The following KCND3 variants were observed in gnomAD, a reference collection of about 807,000 sequenced individuals.
The protein encoded by KCND3 is A-type voltage-gated potassium channel KCND3.
KCND3 carries 9 observed loss-of-function variants against 51.1 expected under a neutral mutation model. The observed-to-expected ratio is 0.18, with a 90% confidence interval of 0.11 to 0.31. KCND3 has a LOEUF of 0.31. Ranked by LOEUF, KCND3 falls within the 10% of genes least tolerant of loss-of-function variation. The pLI is 1.00. For synonymous variants in KCND3, 349 were observed against 368.0 expected (o/e 0.95, Z 0.59); for missense variants, 526 against 903.8 (o/e 0.58, Z 5.36).
chr1:111,982,194 G>A lies in KCND3; in HGVS notation c.533C>T (p.Thr178Ile), dbSNP rs1285191497. 2 of 1,613,990 alleles carry A rather than the reference G, an allele frequency of 1.2e-6. No homozygotes were observed. Among genetic ancestry groups the A allele is most frequent in the East Asian group, 2.2e-5 (1 of 44,828 alleles). ...GTAGAAGACCAGGGCCAGCGTGCTG[G>A]TGTGGGGGTTCTCGAAGGCCCGCCA... The part of the protein sequence containing the change: ...TMWRAFENPH[T>I]STLALVFYYV... Residue 178 changes from threonine to isoleucine, a missense_variant, in exon 2 of 8, where the codon ACC becomes ATC. Around this residue, in one of 5 missense-constraint regions of KCND3, gnomAD observed 159 missense variants for 262.8 expected, o/e 0.61. Coordinates refer to ENST00000302127, the MANE Select transcript of KCND3 (RefSeq NM_001378969.1). This position sits in a 1 kb window ranked among gnomAD's most constrained non-coding sequence, Gnocchi z 8.5.
Position 111,966,139 on chromosome 1 carries a change from T to C in KCND3, c.1106+15482A>G, listed in dbSNP as rs111609987. ...CACACTGGAAGGAAAGTCAAGAAGATGCTCACATCCTGGAGACAGCCCACA... is the reference window on the plus strand; with the variant it reads ...CACACTGGAAGGAAAGTCAAGAAGACGCTCACATCCTGGAGACAGCCCACA... On this transcript the variant is annotated intron_variant, in intron 2 of 7. Transcript: ENST00000302127. Among the ~76,000 whole-genome samples the C allele has an allele frequency of 1.1e-3, 160 of 152,300 alleles. 1 individual carries two copies. Among genetic ancestry groups the C allele is most frequent in the Middle Eastern group, 3.4e-3 (1 of 294 alleles).
At chr1:111,880,095 C>A (rs1449484184) in intron 2 of KCND3, among the ~76,000 whole-genome samples, 10 of 152,164 alleles carry the variant, frequency 6.6e-5, no homozygotes, top group Admixed American at 6.5e-4. Flanking sequence ...ACACTTTAGC[C>A]ATTAGCAGAT....
chr1:111,816,953 C>A (rs1423474736), intron 2 of KCND3, among the ~76,000 whole-genome samples: 1 of 152,168 alleles, frequency 6.6e-6, no homozygotes, highest in African/African-American at 2.4e-5. Flanking sequence ...CAGGGTGCAT[C>A]TGCCTACACA....
At chr1:111,823,614 C>A (rs565047656) in intron 2 of KCND3, among the ~76,000 whole-genome samples, 1 of 152,290 alleles carries the variant, frequency 6.6e-6, no homozygotes, top group Non-Finnish European at 1.5e-5. Flanking sequence ...CTGAATAACA[C>A]ATTTCATTGT....
intron 2 of KCND3, among the ~76,000 whole-genome samples, chr1:111,789,389 G>A (rs1417655269): frequency 6.6e-6 from 1 of 152,198 alleles, no homozygotes; most frequent in Non-Finnish European, 1.5e-5. Context: ...AGGATCCAGA[G>A]CTTAAAGTAG....
intron 2 of KCND3, among the ~76,000 whole-genome samples, chr1:111,957,663 A>G (rs1054141564): frequency 2.0e-5 from 3 of 152,206 alleles, no homozygotes; most frequent in Non-Finnish European, 4.4e-5. Context: ...AAAGGAGGGC[A>G]TCTGCAGAGG....
intron 2 of KCND3, among the ~76,000 whole-genome samples, chr1:111,838,996 T>A (rs989775352): frequency 6.6e-6 from 1 of 152,242 alleles, no homozygotes; most frequent in Non-Finnish European, 1.5e-5. Context: ...AAATTTTGCA[T>A]GATTTGTTTT....
Position 111,771,545 on chromosome 1 carries a change from A to T in KCND3, c.*4532T>A, listed in dbSNP as rs545225938. ...GAATTCTTTAGTAACCTCGAAATCT[A>T]GTGTTAGCTCAATTTTCAACCACTT... On this transcript the variant is annotated 3_prime_UTR_variant, in exon 8 of 8. Coordinates refer to ENST00000302127, the MANE Select transcript of KCND3 (RefSeq NM_001378969.1). The T allele has an allele frequency of 6.6e-6, 1 of 152,332 alleles. No individual in the cohort carries two copies. Among genetic ancestry groups the T allele is most frequent in the Admixed American group, 6.5e-5 (1 of 15,308 alleles). The allele number at this position is 152,332 out of a possible 1,614,324, so 9.4% of individuals were successfully genotyped here. A position where few individuals can be genotyped will look rare whatever the true frequency, so the allele number is the denominator to read the frequency against.
intron 2 of KCND3, among the ~76,000 whole-genome samples, chr1:111,880,956 T>C (rs1203776464): frequency 6.6e-6 from 1 of 152,142 alleles, no homozygotes; most frequent in Admixed American, 6.5e-5. Context: ...CCTTGGCCCT[T>C]GGCTCCCACA....
At chr1:111,912,271 G>A (rs1670989113) in intron 2 of KCND3, among the ~76,000 whole-genome samples, 1 of 152,130 alleles carries the variant, frequency 6.6e-6, no homozygotes, top group South Asian at 2.1e-4. Flanking sequence ...TAAAAGAGAT[G>A]AAAAATTCCT....
At chr1:111,915,627 C>T (rs1234444933) in intron 2 of KCND3, among the ~76,000 whole-genome samples, 1 of 151,786 alleles carries the variant, frequency 6.6e-6, no homozygotes, top group Non-Finnish European at 1.5e-5. Context: ...GTGGTGGGCG[C>T]CTGTAGTCCC....
intron 2 of KCND3, among the ~76,000 whole-genome samples, chr1:111,872,320 T>C (rs189134599): frequency 6.6e-6 from 1 of 152,330 alleles, no homozygotes; most frequent in Admixed American, 6.5e-5. Flanking sequence ...TTAAGTAAAT[T>C]TGGCATTTCC....
chr1:111,892,314 C>T (rs1669869601), intron 2 of KCND3, among the ~76,000 whole-genome samples: 1 of 152,158 alleles, frequency 6.6e-6, no homozygotes, highest in Non-Finnish European at 1.5e-5. Flanking sequence ...CTGCTCCAAC[C>T]CTAACATCTC....
rs78723897 is a variant in KCND3 at position 111,830,049 on chromosome 1, C to T, written c.1107-42943G>A. 3.1e-4 allele frequency among the ~76,000 whole-genome samples: 47 copies of T among 152,282 alleles called. 1 individual carries two copies. The East Asian group carries it at 6.6e-3, about 21-fold the overall frequency. On this transcript the variant is annotated intron_variant, in intron 2 of 7. Transcript: ENST00000302127. ...TTCTCCCCTCCATCTAATTATCCTC[C>T]GGTCCATCTTTCTACGTCAGCAGCG...
intron 2 of KCND3, among the ~76,000 whole-genome samples, chr1:111,927,341 T>C (rs1445244421): frequency 6.6e-6 from 1 of 152,220 alleles, no homozygotes; most frequent in Admixed American, 6.5e-5. Context: ...TAGGCCTCAG[T>C]GTTCACACCC....
intron 2 of KCND3, among the ~76,000 whole-genome samples, chr1:111,852,669 T>C (rs535304651): frequency 2.0e-5 from 3 of 152,290 alleles, no homozygotes; most frequent in African/African-American, 7.2e-5. Flanking sequence ...GAGAGCATTC[T>C]CTGGGATGCA....
At chr1:111,897,714 G>A (rs1164211008) in intron 2 of KCND3, among the ~76,000 whole-genome samples, 1 of 152,202 alleles carries the variant, frequency 6.6e-6, no homozygotes, top group African/African-American at 2.4e-5. Flanking sequence ...GCTGAGGGGA[G>A]CTTGGGTGCA....
chr1:111,935,746 C>G (rs1415048155), intron 2 of KCND3, among the ~76,000 whole-genome samples: 1 of 152,188 alleles, frequency 6.6e-6, no homozygotes, highest in Non-Finnish European at 1.5e-5. Context: ...CAAACTTACC[C>G]TGTTCATGTT....
chr1:111,905,715 C>T (rs541165837), intron 2 of KCND3, among the ~76,000 whole-genome samples: 32 of 152,198 alleles, frequency 2.1e-4, no homozygotes, highest in Non-Finnish European at 4.0e-4. Context: ...TTGGTGAGCA[C>T]ATGGTCCAGT....
Sources: gnomAD v4.1 joint callset for allele counts (sites outside exome capture counted in the v4.1 genomes callset) on GRCh38, gnomAD v4.1.1 for gene constraint, gnomAD v4.1.1 regional missense constraint, Gnocchi (gnomAD v3.1) non-coding constraint, MANE v1.5 for transcripts, NCBI Gene and HGNC (gene_info 2026-07-23, HGNC 2026-07-21) for gene names.